The following NEBL variants were observed in gnomAD, a reference collection of about 807,000 sequenced individuals.
The protein encoded by NEBL is nebulette.
A neutral mutation model predicts 140.2 loss-of-function variants in NEBL; 122 were observed. That is an observed-to-expected ratio of 0.87 (90% confidence interval 0.75 to 1.01). The LOEUF (loss-of-function observed/expected upper bound fraction) is 1.01. Among genes scored for constraint, NEBL ranks in the 50% least tolerant of loss-of-function variants. NEBL has a pLI of 0.00. For synonymous variants in NEBL, 436 were observed against 398.9 expected, an observed-to-expected ratio of 1.09 and a Z score of -1.11; for missense variants, 1,365 against 1,231.3, an observed-to-expected ratio of 1.11 and a Z score of -1.62.
intron 1 of NEBL, among the ~76,000 whole-genome samples, chr10:21,263,826 G>A (rs890063563): frequency 7.9e-5 from 12 of 152,094 alleles, no homozygotes; most frequent in Admixed American, 2.0e-4. Flanking sequence ...TTAGCCGGGC[G>A]TGGTGGTGGG....
intron 9 of NEBL, among the ~76,000 whole-genome samples, chr10:20,856,045 C>T (rs1843045064): frequency 6.6e-6 from 1 of 152,152 alleles, no homozygotes. Context: ...ATGTATACAG[C>T]TTTATACAAT....
At chr10:20,860,872 G>A (rs924181858) in intron 7 of NEBL, among the ~76,000 whole-genome samples, 51 of 151,990 alleles carry the variant, frequency 3.4e-4, no homozygotes, top group African/African-American at 1.0e-3. Flanking sequence ...CACATGTTTG[G>A]AACCTATTAG....
chr10:21,238,422 G>A (rs891259397), intron 3 of NEBL, among the ~76,000 whole-genome samples: 59 of 152,196 alleles, frequency 3.9e-4, no homozygotes, highest in African/African-American at 1.3e-3. Context: ...AAGTTGGGCC[G>A]GGCCCGGTGG....
At chr10:20,861,829 C>A (rs984598643) in intron 7 of NEBL, among the ~76,000 whole-genome samples, 1 of 152,134 alleles carries the variant, frequency 6.6e-6, no homozygotes, top group Non-Finnish European at 1.5e-5. Flanking sequence ...ATGTTACAGA[C>A]ACCCCTTCCT....
intron 1 of NEBL, among the ~76,000 whole-genome samples, chr10:21,286,668 T>TA (rs1025419576): frequency 1.3e-5 from 2 of 151,930 alleles, no homozygotes; most frequent in Non-Finnish European, 2.9e-5. Flanking sequence ...CTGTCTCTAT[T>TA]AAAAAACACA....
At chr10:21,120,819 C>T (rs920513847) in intron 2 of NEBL, among the ~76,000 whole-genome samples, 4 of 151,714 alleles carry the variant, frequency 2.6e-5, no homozygotes, top group Admixed American at 6.6e-5. Context: ...TAAATACACA[C>T]AACTCTGCGT....
At chr10:21,145,319 T>G (rs1048330490) in intron 2 of NEBL, among the ~76,000 whole-genome samples, 2 of 152,220 alleles carry the variant, frequency 1.3e-5, no homozygotes, top group African/African-American at 4.8e-5. Context: ...CCAAAGTTAT[T>G]TGTATAAAGC....
At chr10:21,184,791 A>G (rs1841439156) in intron 3 of NEBL, among the ~76,000 whole-genome samples, 1 of 152,280 alleles carries the variant, frequency 6.6e-6, no homozygotes, top group South Asian at 2.1e-4. Context: ...GAAAAAGGTT[A>G]TAAAAACATT....
In NEBL at chr10:21,029,227, C is replaced by T. The variant is rs1264808457; in HGVS notation, c.165-9026G>A. Reference sequence around the variant, plus strand: ...TGACCATTCCATCCTTCCCACTGCTCCACCGGCTGCTCGGGAACCCAATAT... The same window carrying T: ...TGACCATTCCATCCTTCCCACTGCTTCACCGGCTGCTCGGGAACCCAATAT... On this transcript the variant is annotated intron_variant, in intron 2 of 6. Transcript: ENST00000417816. The T allele has an allele frequency of 4.0e-6, 6 of 1,488,552 alleles. No homozygotes were observed. In the East Asian group the frequency reaches 1.4e-4, roughly 34 times the overall value. 92.2% of individuals were successfully genotyped at this position (1,488,552 alleles called of 1,614,324 possible).
At chr10:20,962,363 G>A (rs1836091367) in intron 3 of NEBL, among the ~76,000 whole-genome samples, 1 of 152,200 alleles carries the variant, frequency 6.6e-6, no homozygotes, top group African/African-American at 2.4e-5. Flanking sequence ...ACACAATGCT[G>A]TATTGCCAAA....
chr10:21,132,401 G>T (rs1189016197), intron 2 of NEBL, among the ~76,000 whole-genome samples: 1 of 152,082 alleles, frequency 6.6e-6, no homozygotes, highest in Non-Finnish European at 1.5e-5. Context: ...TGGACATTTG[G>T]GTTGTTTCCA....
intron 2 of NEBL, among the ~76,000 whole-genome samples, chr10:21,043,321 T>C (rs2986673): frequency 0.59 from 89,247 of 152,048 alleles, 26,318 homozygotes; most frequent in East Asian, 0.62. Flanking sequence ...GCCGTCAACA[T>C]TGACGAATTT....
chr10:20,882,738 C>CAA (rs201682188), intron 4 of NEBL, among the ~76,000 whole-genome samples: 1,785 of 140,296 alleles, frequency 0.013, 42 homozygotes, highest in African/African-American at 0.043. Flanking sequence ...TCTTGTCATC[C>CAA]AAAAAAAAAA....
intron 4 of NEBL, among the ~76,000 whole-genome samples, chr10:20,956,129 A>C (rs1467165348): frequency 6.6e-6 from 1 of 152,206 alleles, no homozygotes; most frequent in East Asian, 1.9e-4. Context: ...TACATGGAAA[A>C]ATAAAGCAAA....
intron 3 of NEBL, among the ~76,000 whole-genome samples, chr10:21,014,230 C>T (rs1204159311): frequency 6.6e-6 from 1 of 152,006 alleles, no homozygotes; most frequent in African/African-American, 2.4e-5. Context: ...CTCAAGTGAT[C>T]CTTGCACCTC....
At chr10:20,958,173 T>C (rs1203890841) in intron 4 of NEBL, among the ~76,000 whole-genome samples, 1 of 152,180 alleles carries the variant, frequency 6.6e-6, no homozygotes, top group African/African-American at 2.4e-5. Flanking sequence ...GGTGTTTCAT[T>C]TTTTTTAATG....
chr10:20,917,682 A>G (rs1468643152), intron 4 of NEBL, among the ~76,000 whole-genome samples: 5 of 152,236 alleles, frequency 3.3e-5, no homozygotes, highest in African/African-American at 1.2e-4. Context: ...AGGAAAGTGA[A>G]TGCTCTCTAA....
At chr10:20,886,187 ATT>A (rs200672631) in intron 4 of NEBL, among the ~76,000 whole-genome samples, 5 of 152,018 alleles carry the variant, frequency 3.3e-5, no homozygotes, top group African/African-American at 1.2e-4. Context: ...CTTAAAAAAA[ATT>A]TTTTTTAATA....
intron 2 of NEBL, among the ~76,000 whole-genome samples, chr10:21,103,751 G>C (rs1837583856): frequency 6.6e-6 from 1 of 151,840 alleles, no homozygotes. Flanking sequence ...GTCATGACAT[G>C]CGATTATTAG....
Sources: allele counts gnomAD v4.1 joint callset (sites outside exome capture counted in the v4.1 genomes callset), GRCh38; gene constraint gnomAD v4.1.1; transcripts MANE v1.5; gene names NCBI Gene and HGNC (gene_info 2026-07-23, HGNC 2026-07-21).